Variants in SFMBT1 observed in about 807,000 individuals in gnomAD.
SFMBT1 encodes Scm like with four mbt domains 1.
Under a neutral mutation model 108.7 loss-of-function variants are expected in SFMBT1, and 32 were observed. The observed-to-expected ratio is 0.29, with a 90% CI of 0.22 to 0.40. SFMBT1 has a LOEUF of 0.40. Ranked by LOEUF, SFMBT1 falls within the 10% of genes least tolerant of loss-of-function variation. The pLI is 1.00. For synonymous variants in SFMBT1, 348 were observed against 369.5 expected, an observed-to-expected ratio of 0.94 and a Z score of 0.67; for missense variants, 816 against 1,059.6, an observed-to-expected ratio of 0.77 and a Z score of 3.19.
chr3:52,992,678 T>A (rs1291308237), intron 1 of SFMBT1, among the ~76,000 whole-genome samples: 4 of 152,180 alleles, frequency 2.6e-5, no homozygotes, highest in Non-Finnish European at 1.5e-5. Flanking sequence ...AAGCAGATCA[T>A]CTTTCAGAAG....
intron 1 of SFMBT1, among the ~76,000 whole-genome samples, chr3:52,981,850 C>G (rs927181676): frequency 2.0e-5 from 3 of 152,108 alleles, no homozygotes; most frequent in African/African-American, 4.8e-5. Context: ...AGCCCGCTAA[C>G]CCCCACGCCT....
intron 17 of SFMBT1, 84 bp downstream of exon 17, chr3:52,910,919 T>C: frequency 7.8e-7 from 1 of 1,275,492 alleles, no homozygotes; most frequent in Non-Finnish European, 1.1e-6. Flanking sequence ...CTGCTATATA[T>C]GAATGTCTGT....
At chr3:53,015,130 A>G (rs887219066) in intron 1 of SFMBT1, among the ~76,000 whole-genome samples, 1 of 151,624 alleles carries the variant, frequency 6.6e-6, no homozygotes, top group African/African-American at 2.4e-5. Flanking sequence ...GATCATTTGA[A>G]CTCAGGAGGC....
intron 1 of SFMBT1, among the ~76,000 whole-genome samples, chr3:52,972,873 C>CAT (rs770676246): frequency 0.022 from 3,270 of 150,206 alleles, 162 homozygotes; most frequent in African/African-American, 0.074. Flanking sequence ...CACACACACA[C>CAT]ACTAGCTGAG....
intron 1 of SFMBT1, among the ~76,000 whole-genome samples, chr3:53,013,968 G>A (rs1699043344): frequency 6.6e-6 from 1 of 152,120 alleles, no homozygotes; most frequent in Admixed American, 6.5e-5. Flanking sequence ...TGCAGTCAGG[G>A]AGGAAGAGAG....
rs188256553 is a variant in SFMBT1 at position 52,909,410 on chromosome 3, C to T, written c.1906+1593G>A. On this transcript the variant is annotated intron_variant, in intron 17 of 20. Transcript: ENST00000394752. The stretch of plus-strand genomic sequence containing the variant: ...TCCTACTCTTAAGGAGTTTACAATC[C>T]AATAAATATAAATAGAAACTAGAAG... Among the ~76,000 whole-genome samples the T allele has an allele frequency of 9.2e-5, 14 of 152,252 alleles. No homozygotes were observed. The East Asian group carries it at 2.5e-3, about 27-fold the overall frequency.
intron 1 of SFMBT1, among the ~76,000 whole-genome samples, chr3:53,012,599 T>G (rs966963837): frequency 1.3e-5 from 2 of 151,506 alleles, no homozygotes; most frequent in African/African-American, 4.9e-5. Context: ...AGGCGGGGTT[T>G]CACTGTGTTA....
chr3:53,044,334 G>A (rs1478503680), intron 1 of SFMBT1, among the ~76,000 whole-genome samples: 1 of 152,158 alleles, frequency 6.6e-6, no homozygotes, highest in African/African-American at 2.4e-5. Flanking sequence ...TTGCAAATAA[G>A]GAAAATCAAA....
At chr3:52,957,932 A>G (rs1703831314) in intron 2 of SFMBT1, among the ~76,000 whole-genome samples, 1 of 152,240 alleles carries the variant, frequency 6.6e-6, no homozygotes, top group African/African-American at 2.4e-5. Context: ...GTCAAAAGCA[A>G]TTGCAACAAA....
In SFMBT1 at chr3:52,977,298, C is replaced by A. The variant is rs531270454; in HGVS notation, c.-130-8040G>T. On this transcript the variant is annotated intron_variant, in intron 1 of 20. Transcript: ENST00000394752. ...GGCTGAGGCAGGTGGATCACGAGGT[C>A]AGGAGTTCGAGACCAGCCTGAAAAA... Among the ~76,000 whole-genome samples, 12 of 152,250 alleles carry A rather than the reference C, an allele frequency of 7.9e-5. No homozygotes were observed. The South Asian group carries it at 1.5e-3, about 18-fold the overall frequency.
At chr3:52,917,268 A>G (rs900623403) in intron 13 of SFMBT1, among the ~76,000 whole-genome samples, 6 of 152,250 alleles carry the variant, frequency 3.9e-5, no homozygotes, top group African/African-American at 1.4e-4. Context: ...TCATATGTTG[A>G]AGCCCTAGTG....
At chr3:52,945,990 C>A (rs1343847890) in intron 3 of SFMBT1, among the ~76,000 whole-genome samples, 7 of 152,152 alleles carry the variant, frequency 4.6e-5, no homozygotes, top group Non-Finnish European at 8.8e-5. Flanking sequence ...GCAGATGCCA[C>A]GTAACTAACC....
intron 1 of SFMBT1, among the ~76,000 whole-genome samples, chr3:53,022,323 G>A (rs921089466): frequency 6.6e-6 from 1 of 151,626 alleles, no homozygotes; most frequent in Non-Finnish European, 1.5e-5. Context: ...GGTGGCATGC[G>A]CCTGCAGTCC....
intron 2 of SFMBT1, among the ~76,000 whole-genome samples, chr3:52,961,850 G>T (rs940781128): frequency 6.6e-6 from 1 of 151,942 alleles, no homozygotes; most frequent in African/African-American, 2.4e-5. Flanking sequence ...AAGGACTCTA[G>T]GTCCTTAAAT....
chr3:53,030,533 A>T (rs1241392454), intron 1 of SFMBT1, among the ~76,000 whole-genome samples: 1 of 152,164 alleles, frequency 6.6e-6, no homozygotes, highest in Non-Finnish European at 1.5e-5. Flanking sequence ...GCCTATTAAA[A>T]GCAATCTCAT....
chr3:52,910,110 C>G (rs1702180347), intron 17 of SFMBT1, among the ~76,000 whole-genome samples: 1 of 152,042 alleles, frequency 6.6e-6, no homozygotes, highest in Non-Finnish European at 1.5e-5. Context: ...ACCCCACCTC[C>G]CAGCCTTCCT....
Position 52,930,372 on chromosome 3 carries a change from T to C in SFMBT1, c.854A>G (p.Asp285Gly). The C allele has an allele frequency of 6.2e-7, 1 of 1,613,626 alleles. No homozygotes were observed. The highest frequency in any genetic ancestry group is 1.7e-5 in the Admixed American group (1 of 60,028). ...FSVNMKLEAV[D>G]PWSPFGISPA... ...AGAGATCCCAAAAGGAGACCAGGGG[T>C]CTACAGCTTCCAATTTCATGTTTAC... Residue 285 changes from aspartate to glycine, a missense_variant, in exon 8 of 21, where the codon GAC (aspartate) becomes GGC (glycine). Asp to Gly is a moderately conservative substitution (Grantham distance 94, BLOSUM62 -1). Around this residue, in one of 5 missense-constraint regions of SFMBT1, gnomAD observed 495 missense variants for 607.4 expected, o/e 0.81. Coordinates refer to ENST00000394752, the MANE Select transcript of SFMBT1 (RefSeq NM_016329.4).
intron 5 of SFMBT1, among the ~76,000 whole-genome samples, chr3:52,934,076 C>T (rs1702935026): frequency 6.6e-6 from 1 of 151,874 alleles, no homozygotes; most frequent in African/African-American, 2.4e-5. Flanking sequence ...ACAGAAATGG[C>T]CCATAAGCAC....
chr3:52,925,484 T>C (rs1470273122), intron 10 of SFMBT1, among the ~76,000 whole-genome samples: 2 of 152,242 alleles, frequency 1.3e-5, no homozygotes, highest in African/African-American at 4.8e-5. Context: ...CCAAGTGACA[T>C]GTCTAAAATA....
Sources: allele counts gnomAD v4.1 joint callset (sites outside exome capture counted in the v4.1 genomes callset), GRCh38; gene constraint gnomAD v4.1.1; regional missense constraint gnomAD v4.1.1; transcripts MANE v1.5; gene names NCBI Gene and HGNC (gene_info 2026-07-23, HGNC 2026-07-21).